ARHGEF4: variants seen among roughly 807,000 people sequenced by gnomAD.
The protein encoded by ARHGEF4 is Rho guanine nucleotide exchange factor 4, also known as APC-stimulated guanine nucleotide exchange factor 1.
A neutral mutation model predicts 162.0 loss-of-function variants in ARHGEF4; 119 were observed. That is an observed-to-expected ratio of 0.73 (90% CI 0.63 to 0.86). The LOEUF is 0.86. Among genes scored for constraint, ARHGEF4 ranks in the 40% least tolerant of loss-of-function variants. The pLI is 0.00. For missense variants in ARHGEF4, 2,488 were observed against 2,456.0 expected (o/e 1.01, Z -0.28); for synonymous variants, 1,014 against 979.9 (o/e 1.03, Z -0.65).
At chr2:131,004,446 T>G (rs1687982782) in intron 4 of ARHGEF4, among the ~76,000 whole-genome samples, 1 of 152,210 alleles carries the variant, frequency 6.6e-6, no homozygotes, top group Non-Finnish European at 1.5e-5. Context: ...ATTACAGGCG[T>G]GAGCCACCGC....
chr2:130,978,774 C>T (rs1398653565), intron 4 of ARHGEF4, among the ~76,000 whole-genome samples: 1 of 151,936 alleles, frequency 6.6e-6, no homozygotes, highest in Admixed American at 6.6e-5. Flanking sequence ...ATTCTCCAGA[C>T]TCTGAAAAAC....
rs1438395715 is a variant in ARHGEF4, at chr2:130,915,778, C to A, written c.1832C>A (p.Ala611Asp). 1 of 1,526,562 alleles carries A rather than the reference C, an allele frequency of 6.6e-7. No individual in the cohort carries two copies. The highest frequency in any genetic ancestry group is 8.8e-7 in the Non-Finnish European group (1 of 1,135,450). 94.6% of individuals were successfully genotyped at this position (1,526,562 alleles called of 1,614,324 possible). A position where few individuals can be genotyped will look rare whatever the true frequency, so the allele number is the denominator to read the frequency against. ...AEEGEQGPGG[A>D]GGRQLEPKAG... ...GAGGGTGAACAGGGGCCTGGGGGTGCCGGGGGCCGGCAGCTGGAGCCCAAA... is the reference window on the plus strand; with the variant it reads ...GAGGGTGAACAGGGGCCTGGGGGTGACGGGGGCCGGCAGCTGGAGCCCAAA... Residue 611 changes from alanine (A) to aspartate (D), a missense_variant, in exon 2 of 14, where the codon GCC (alanine) becomes GAC (aspartate). By Grantham distance (126) the Ala-to-Asp change is moderately radical. Around this residue, in one of 6 missense-constraint regions of ARHGEF4, gnomAD observed 1,642 missense variants for 1,481.5 expected, o/e 1.11. Coordinates refer to ENST00000409359, the MANE Select transcript of ARHGEF4 (RefSeq NM_001367493.1).
chr2:130,979,628 C>T (rs531020345), intron 4 of ARHGEF4, among the ~76,000 whole-genome samples: 6 of 147,798 alleles, frequency 4.1e-5, no homozygotes, highest in East Asian at 4.1e-4. Context: ...CCCAGCTACT[C>T]GGGAGGCTGA....
rs545046582 is a variant in ARHGEF4, at chr2:130,916,987, C to T, written c.3041C>T (p.Ser1014Phe). The change falls in exon 2 of 14, where the codon TCC becomes TTC. Residue 1014 changes from serine (S) to phenylalanine (F), a missense_variant. By Grantham distance (155) the Ser-to-Phe change is radical. Transcript: ENST00000409359. ...WAPPLASTPL[S>F]SSLVSPEHRR... The stretch of plus-strand genomic sequence containing the variant: ...CCCCCACTTGCCTCCACACCTTTGT[C>T]CTCCAGTTTAGTTTCTCCAGAACAC... 3.2e-6 allele frequency: 5 copies of T among 1,550,860 alleles called. No homozygotes were observed. The highest frequency in any genetic ancestry group is 1.2e-5 in the South Asian group (1 of 84,058).
intron 12 of ARHGEF4, 81 bp from the exon 13 acceptor site, chr2:131,045,280 CCCTGGGCA>C: frequency 8.1e-7 from 1 of 1,231,270 alleles, no homozygotes; most frequent in Non-Finnish European, 1.2e-6. Context: ...CATGATGAGA[CCCTGGGCA>C]CCAGGAAGGT....
At chr2:131,023,580 A>G (rs1195482597) in intron 4 of ARHGEF4, among the ~76,000 whole-genome samples, 1 of 152,244 alleles carries the variant, frequency 6.6e-6, no homozygotes, top group Non-Finnish European at 1.5e-5. Context: ...CTATCAGAAT[A>G]CCTAAAATAT....
Position 131,040,384 on chromosome 2 carries a change from A to G in ARHGEF4, c.4606A>G (p.Arg1536Gly). 1 of 1,609,862 alleles carries G rather than the reference A, an allele frequency of 6.2e-7. No homozygotes were observed. The highest frequency in any genetic ancestry group is 1.3e-5 in the African/African-American group (1 of 75,000). Residue 1536 changes from arginine (R) to glycine (G), a missense_variant, in exon 8 of 14, where the codon AGG becomes GGG. By Grantham distance (125) the Arg-to-Gly change is moderately radical. Around this residue, in one of 6 missense-constraint regions of ARHGEF4, gnomAD observed 415 missense variants for 512.4 expected, o/e 0.81. Transcript: ENST00000409359. ...QKAFVKALEQ[R>G]FNRERPHLSE... The stretch of plus-strand genomic sequence containing the variant: ...GGCCTTCGTGAAGGCCCTGGAGCAG[A>G]GGTTCAACCGCGAGCGCCCACACCT...
chr2:130,991,303 G>C (rs539298874), intron 4 of ARHGEF4, among the ~76,000 whole-genome samples: 16 of 152,360 alleles, frequency 1.1e-4, no homozygotes, highest in African/African-American at 3.6e-4. Flanking sequence ...CACAGCCCTC[G>C]CTCGCTCTTG....
intron 2 of ARHGEF4, among the ~76,000 whole-genome samples, chr2:130,920,326 G>A (rs1370811896): frequency 6.6e-6 from 1 of 152,186 alleles, no homozygotes; most frequent in Non-Finnish European, 1.5e-5. Flanking sequence ...CCCAGTTGGA[G>A]TCTGCATGGG....
chr2:130,989,665 A>G (rs775979773), intron 4 of ARHGEF4, among the ~76,000 whole-genome samples: 14 of 152,166 alleles, frequency 9.2e-5, no homozygotes, highest in Admixed American at 3.3e-4. Context: ...TTTTCTGTGC[A>G]TTTAGTCATA....
At position 130,916,987 on chromosome 2, in the gene ARHGEF4, C is replaced by G. The variant is rs545046582; in HGVS notation, c.3041C>G (p.Ser1014Cys). Residue 1014 changes from serine (S) to cysteine (C), a missense_variant, in exon 2 of 14, where the codon TCC (serine) becomes TGC (cysteine). This residue lies in a region of ARHGEF4 where 1,642 missense variants were observed against 1,481.5 expected (regional missense o/e 1.11). Transcript: ENST00000409359. ...CCCCCACTTGCCTCCACACCTTTGT[C>G]CTCCAGTTTAGTTTCTCCAGAACAC... ...WAPPLASTPL[S>C]SSLVSPEHRR... The G allele has an allele frequency of 9.0e-6, 14 of 1,550,978 alleles. No individual in the cohort carries two copies. In the East Asian group the frequency reaches 2.7e-4, roughly 30 times the overall value.
chr2:130,840,220 G>GCA (rs138777092), intron 1 of ARHGEF4, among the ~76,000 whole-genome samples: 3 of 142,674 alleles, frequency 2.1e-5, no homozygotes, highest in Non-Finnish European at 3.2e-5. Context: ...ACACACAGGT[G>GCA]CACACACACA....
At chr2:130,979,970 A>G (rs1156329950) in intron 4 of ARHGEF4, among the ~76,000 whole-genome samples, 1 of 152,158 alleles carries the variant, frequency 6.6e-6, no homozygotes, top group African/African-American at 2.4e-5. Context: ...ACAAATTAAA[A>G]CAATGTAATT....
At chr2:130,886,500 A>T (rs1679530101) in intron 1 of ARHGEF4, among the ~76,000 whole-genome samples, 1 of 151,858 alleles carries the variant, frequency 6.6e-6, no homozygotes, top group Non-Finnish European at 1.5e-5. Context: ...TAACATGGTG[A>T]AACCCCTTCT....
chr2:131,041,834 GC>G lies in ARHGEF4; in HGVS notation c.4917del (p.Ala1640ProfsTer5). 6.2e-7 allele frequency: 1 copy of G among 1,613,462 alleles called. No homozygotes were observed. Among genetic ancestry groups the G allele is most frequent in the Non-Finnish European group, 8.5e-7 (1 of 1,180,002 alleles). ...CCCCAGGGACTTCAAGGATGTTGAA[GC>G]CGCCTTGCATGCCATGAAGAACGTG... ...PQHRDFKDVE[A>X]ALHAMKNVAQ... On this transcript the variant is annotated frameshift_variant, in exon 10 of 14. Coordinates refer to ENST00000409359, the MANE Select transcript of ARHGEF4 (RefSeq NM_001367493.1). LOFTEE classifies it high-confidence loss of function.
chr2:130,916,170 C>T lies in ARHGEF4; in HGVS notation c.2224C>T (p.Arg742Trp), dbSNP rs928712434. Residue 742 changes from arginine (R) to tryptophan (W), a missense_variant, in exon 2 of 14, where the codon CGG (arginine) becomes TGG (tryptophan). This residue lies in a region of ARHGEF4 where 1,642 missense variants were observed against 1,481.5 expected (regional missense o/e 1.11). Coordinates refer to ENST00000409359, the MANE Select transcript of ARHGEF4 (RefSeq NM_001367493.1). ...GGGAGAGAGACTGCGTGGGGAGAGC[C>T]GGAGCTCCGGGTCAGGGGAGCGTGG... ...PPGERLRGES[R>W]SSGSGERGPE... is the part of the protein sequence containing the mutation. The T allele has an allele frequency of 2.8e-5, 44 of 1,548,538 alleles. No individual in the cohort carries two copies. The highest frequency in any genetic ancestry group is 3.7e-5 in the Non-Finnish European group (43 of 1,146,822).
At chr2:130,945,417 G>A (rs1414100554) in intron 3 of ARHGEF4, among the ~76,000 whole-genome samples, 3 of 152,082 alleles carry the variant, frequency 2.0e-5, no homozygotes, top group Non-Finnish European at 4.4e-5. Context: ...CTGTCCCTCA[G>A]AATTTTAGAT....
At chr2:130,881,675 G>C (rs1016249378) in intron 1 of ARHGEF4, among the ~76,000 whole-genome samples, 1 of 152,094 alleles carries the variant, frequency 6.6e-6, no homozygotes, top group Admixed American at 6.5e-5. Flanking sequence ...AATGCTTCGG[G>C]AGATGTAAGG....
At chr2:130,994,041 A>G (rs1687225600) in intron 4 of ARHGEF4, among the ~76,000 whole-genome samples, 3 of 152,166 alleles carry the variant, frequency 2.0e-5, no homozygotes, top group Non-Finnish European at 1.5e-5. Context: ...CTGGCTCCCA[A>G]AGTGCTGGGA....
Sources: allele counts gnomAD v4.1 joint callset (sites outside exome capture counted in the v4.1 genomes callset), GRCh38; gene constraint gnomAD v4.1.1; regional missense constraint gnomAD v4.1.1; transcripts MANE v1.5; gene names NCBI Gene and HGNC (gene_info 2026-07-23, HGNC 2026-07-21).